The following QTRT1 variants were observed in gnomAD, a reference collection of about 807,000 sequenced individuals.
QTRT1 encodes queuine tRNA-ribosyltransferase catalytic subunit 1.
A neutral mutation model predicts 44.0 loss-of-function variants in QTRT1; 41 were observed. The observed-to-expected ratio is 0.93, with a 90% CI of 0.73 to 1.21. The LOEUF (loss-of-function observed/expected upper bound fraction) is 1.21, where lower values mean the gene tolerates loss of function less well. Ranked by LOEUF, QTRT1 falls within the 50% of genes most tolerant of loss-of-function variation. QTRT1 has a pLI of 0.00. For missense variants in QTRT1, 542 were observed against 575.8 expected (o/e 0.94, Z 0.60); for synonymous variants, 226 against 237.1 (o/e 0.95, Z 0.43).
At position 10,701,495 on chromosome 19, in the gene QTRT1, CG is replaced by C; in HGVS notation, c.37del (p.Ala13ProfsTer42). ...GCAGCTACCCAGGCTTCCCTGGAGT[CG>C]GCCCCACGGATCATGCGGCTGGTGG... The part of the protein sequence containing the change: ...AGAATQASLE[S>X]APRIMRLVAE... On this transcript the variant is annotated frameshift_variant, in exon 1 of 10. Transcript: ENST00000250237. LOFTEE classifies it high-confidence loss of function. 1 of 1,578,976 alleles carries C rather than the reference CG, an allele frequency of 6.3e-7. No individual in the cohort carries two copies. Among genetic ancestry groups the C allele is most frequent in the Middle Eastern group, 1.7e-4 (1 of 5,906 alleles).
chr19:10,702,800 G>C (rs1281247214), intron 3 of QTRT1, among the ~76,000 whole-genome samples: 1 of 49,260 alleles, frequency 2.0e-5, no homozygotes, highest in Non-Finnish European at 4.0e-5. Flanking sequence ...ACAGAATTTT[G>C]CTCTTGTTGC....
chr19:10,710,774 T>C (rs2068735298), intron 5 of QTRT1, among the ~76,000 whole-genome samples: 1 of 151,796 alleles, frequency 6.6e-6, no homozygotes, highest in South Asian at 2.1e-4. Context: ...ATACAAAAAA[T>C]TAGCCGGGCA....
Position 10,713,122 on chromosome 19 carries a change from A to C in QTRT1, c.1064A>C (p.Gln355Pro). ...LTVHNIAYQL[Q>P]LMSAVRTSIV... is the part of the protein sequence containing the mutation. ...GCTGACCTCCCCTCCCCGCAGCTGC[A>C]GCTCATGAGCGCCGTCCGCACCAGC... Residue 355 changes from glutamine to proline, a missense_variant, in exon 10 of 10, where the codon CAG (glutamine) becomes CCG (proline). Physicochemically the swap from Gln to Pro is moderately conservative, Grantham distance 76. Coordinates refer to ENST00000250237, the MANE Select transcript of QTRT1 (RefSeq NM_031209.3). The surrounding 1 kb of genome is among the most constrained non-coding windows in gnomAD (Gnocchi z 4.3). 1 of 1,609,372 alleles carries C rather than the reference A, an allele frequency of 6.2e-7. No individual in the cohort carries two copies. The highest frequency in any genetic ancestry group is 8.5e-7 in the Non-Finnish European group (1 of 1,179,224).
Position 10,713,054 on chromosome 19 carries a change from C to T in QTRT1, c.1059+14C>T, listed in dbSNP as rs1488056883. The stretch of plus-strand genomic sequence containing the variant: ...ATCGCCTACCAGGTGAGCCAGTGCC[C>T]GGGGCAAGGTGGGCGGGGGTGTCCT... On this transcript the variant is annotated intron_variant, in intron 9 of 9. Transcript: ENST00000250237. The surrounding 1 kb of genome is among the most constrained non-coding windows in gnomAD (Gnocchi z 4.3). The T allele has an allele frequency of 5.0e-6, 8 of 1,610,116 alleles. No homozygotes were observed. Among genetic ancestry groups the T allele is most frequent in the East Asian group, 2.2e-5 (1 of 44,866 alleles).
At position 10,712,264 on chromosome 19, in the gene QTRT1, G is replaced by A; in HGVS notation, c.750G>A (p.Leu250=). The A allele has an allele frequency of 3.7e-6, 6 of 1,613,934 alleles. No individual in the cohort carries two copies. In the South Asian group the frequency reaches 6.6e-5, roughly 18 times the overall value. The part of the protein sequence containing the change: ...WRMVALSTSR[L]PKDKPRYLMG... Reference sequence around the variant, plus strand: ...TGGTGGCGCTGAGCACCTCTCGGCTGCCGAAGGACAAGCCCCGATATCTGA... The same window carrying A: ...TGGTGGCGCTGAGCACCTCTCGGCTACCGAAGGACAAGCCCCGATATCTGA... The change falls in exon 6 of 10, where the codon CTG becomes CTA. Residue 250 remains leucine, a synonymous_variant. Transcript: ENST00000250237. The surrounding 1 kb of genome is among the most constrained non-coding windows in gnomAD (Gnocchi z 5.6).
chr19:10,709,046 T>C (rs992507671), intron 5 of QTRT1: 1 of 152,486 alleles, frequency 6.6e-6, no homozygotes, highest in Non-Finnish European at 1.5e-5. Flanking sequence ...ATTACAGGCT[T>C]GAGCCACTGC....
chr19:10,708,055 CCCGGG>C (rs2068722869), intron 5 of QTRT1, among the ~76,000 whole-genome samples: 1 of 151,860 alleles, frequency 6.6e-6, no homozygotes, highest in Middle Eastern at 3.2e-3. Flanking sequence ...ACCTCCGCCT[CCCGGG>C]TTCAATCTAT....
At chr19:10,703,136 C>T (rs1404498103) in intron 3 of QTRT1, among the ~76,000 whole-genome samples, 1 of 137,560 alleles carries the variant, frequency 7.3e-6, no homozygotes, top group African/African-American at 2.8e-5. Flanking sequence ...GATATCCAGT[C>T]ACTGCAACCT....
In QTRT1 at chr19:10,712,193, A is replaced by G; in HGVS notation, c.679A>G (p.Ile227Val). The G allele has an allele frequency of 6.2e-7, 1 of 1,613,756 alleles. No individual in the cohort carries two copies. The highest frequency in any genetic ancestry group is 8.5e-7 in the Non-Finnish European group (1 of 1,180,036). ...CAAGCGAGACGTGCCTGGCTTCGCC[A>G]TCGGGGGCCTGAGCGGGGGTGAGAG... The part of the protein sequence containing the change: ...MTKRDVPGFA[I>V]GGLSGGESKS... Residue 227 changes from isoleucine to valine, a missense_variant, in exon 6 of 10, where the codon ATC becomes GTC. Physicochemically the swap from Ile to Val is conservative, Grantham distance 29. Transcript: ENST00000250237. The surrounding 1 kb of genome is among the most constrained non-coding windows in gnomAD (Gnocchi z 5.6).
rs761282735 is a variant in QTRT1, at chr19:10,712,741, C to T, written c.862-17C>T. The T allele has an allele frequency of 5.0e-6, 8 of 1,609,234 alleles. No individual in the cohort carries two copies. The highest frequency in any genetic ancestry group is 1.7e-4 in the Middle Eastern group (1 of 6,034). Reference sequence around the variant, plus strand: ...GCCCTGGGTGACGCCCCTTTCCCTGCCCTTCCTCTCCCACAGCGCTTTGGC... The same window carrying T: ...GCCCTGGGTGACGCCCCTTTCCCTGTCCTTCCTCTCCCACAGCGCTTTGGC... On this transcript the variant is annotated splice_polypyrimidine_tract_variant and intron_variant, in intron 7 of 9. Transcript: ENST00000250237. The surrounding 1 kb of genome is among the most constrained non-coding windows in gnomAD (Gnocchi z 5.6).
chr19:10,712,889 G>A lies in QTRT1; in HGVS notation c.971+22G>A. 1 of 1,613,042 alleles carries A rather than the reference G, an allele frequency of 6.2e-7. No individual in the cohort carries two copies. The highest frequency in any genetic ancestry group is 8.5e-7 in the Non-Finnish European group (1 of 1,179,280). On this transcript the variant is annotated intron_variant, in intron 8 of 9. Coordinates refer to ENST00000250237, the MANE Select transcript of QTRT1 (RefSeq NM_031209.3). The surrounding 1 kb of genome is among the most constrained non-coding windows in gnomAD (Gnocchi z 5.6). The stretch of plus-strand genomic sequence containing the variant: ...AAAAGTAGGCAGGATGGCACTGGGA[G>A]CTGGGGCAGGGCATGGAGGGGACAG...
At chr19:10,706,041 A>G (rs1398639348) in intron 3 of QTRT1, among the ~76,000 whole-genome samples, 1 of 150,280 alleles carries the variant, frequency 6.7e-6, no homozygotes. Context: ...TTTTTAGCAG[A>G]GACAGGGTTT....
intron 3 of QTRT1, 72 bp from the exon 4 acceptor site, chr19:10,707,230 C>G: frequency 1.3e-6 from 2 of 1,485,324 alleles, no homozygotes; most frequent in Non-Finnish European, 1.9e-6. Context: ...TCCAACTTGT[C>G]CCCATGTGAC....
rs774797596 is a variant in QTRT1, at chr19:10,713,211, A to AGG, written c.1153_1154insGG (p.Thr385ArgfsTer51). 1 of 1,605,868 alleles carries AGG rather than the reference A, an allele frequency of 6.2e-7. No homozygotes were observed. ...CATGGGCGCCATGTACGGGGATCCC[A>AGG]CCCTCTGTCCCACCTGGGCCACTGA... On this transcript the variant is annotated frameshift_variant, in exon 10 of 10. Coordinates refer to ENST00000250237, the MANE Select transcript of QTRT1 (RefSeq NM_031209.3). LOFTEE classifies it high-confidence loss of function. This position sits in a 1 kb window ranked among gnomAD's most constrained non-coding sequence, Gnocchi z 4.3.
chr19:10,704,785 C>T (rs1192689680), intron 3 of QTRT1, among the ~76,000 whole-genome samples: 1 of 151,860 alleles, frequency 6.6e-6, no homozygotes, highest in African/African-American at 2.4e-5. Flanking sequence ...CGGGGTTTCT[C>T]CATGTTGGTC....
intron 3 of QTRT1, among the ~76,000 whole-genome samples, chr19:10,706,273 G>T (rs751955354): frequency 2.0e-5 from 3 of 152,038 alleles, no homozygotes; most frequent in Non-Finnish European, 4.4e-5. Flanking sequence ...TGATCCTTCC[G>T]CCTGGGCCTT....
rs747033265 is a variant in QTRT1 at position 10,712,190 on chromosome 19, G to A, written c.676G>A (p.Ala226Thr). Residue 226 changes from alanine (A) to threonine (T), a missense_variant, in exon 6 of 10, where the codon GCC becomes ACC. Coordinates refer to ENST00000250237, the MANE Select transcript of QTRT1 (RefSeq NM_031209.3). This position sits in a 1 kb window ranked among gnomAD's most constrained non-coding sequence, Gnocchi z 5.6. ...GACCAAGCGAGACGTGCCTGGCTTC[G>A]CCATCGGGGGCCTGAGCGGGGGTGA... ...EMTKRDVPGF[A>T]IGGLSGGESK... is the part of the protein sequence containing the mutation. 8.1e-6 allele frequency: 13 copies of A among 1,613,434 alleles called. No homozygotes were observed. Among genetic ancestry groups the A allele is most frequent in the African/African-American group, 5.3e-5 (4 of 74,920 alleles).
intron 5 of QTRT1, among the ~76,000 whole-genome samples, chr19:10,709,547 A>C (rs1381630930): frequency 6.6e-6 from 1 of 152,166 alleles, no homozygotes; most frequent in East Asian, 1.9e-4. Context: ...CCCCGTTTCT[A>C]CTAAAAATAC....
At chr19:10,709,252 A>C (rs1364173737) in intron 5 of QTRT1, 1 of 152,264 alleles carries the variant, frequency 6.6e-6, no homozygotes, top group African/African-American at 2.4e-5. Context: ...ACAATAGCAC[A>C]ATTCTGCAGC....
Sources: allele counts gnomAD v4.1 joint callset (sites outside exome capture counted in the v4.1 genomes callset), GRCh38; gene constraint gnomAD v4.1.1; non-coding constraint Gnocchi (gnomAD v3.1); transcripts MANE v1.5; gene names NCBI Gene and HGNC (gene_info 2026-07-23, HGNC 2026-07-21).